Variants in USP28 observed in about 807,000 individuals in gnomAD.
The protein encoded by USP28 is ubiquitin carboxyl-terminal hydrolase 28.
In USP28, 113 loss-of-function variants were observed where a neutral mutation model predicts 145.0. That is an observed-to-expected ratio of 0.78 (90% CI 0.67 to 0.91). The LOEUF (loss-of-function observed/expected upper bound fraction) is 0.91, where lower values mean the gene tolerates loss of function less well. Ranked by LOEUF, USP28 falls within the 40% of genes least tolerant of loss-of-function variation. The pLI is 0.00. For synonymous variants in USP28, 447 were observed against 450.9 expected, an observed-to-expected ratio of 0.99 and a Z score of 0.11; for missense variants, 1,201 against 1,289.6, an observed-to-expected ratio of 0.93 and a Z score of 1.05.
chr11:113,816,254 C>G (rs752793476), intron 13 of USP28, among the ~76,000 whole-genome samples: 1 of 152,122 alleles, frequency 6.6e-6, no homozygotes, highest in Admixed American at 6.5e-5. Flanking sequence ...CGGTGGCTCA[C>G]GCCTGTAATC....
At chr11:113,845,104 T>G (rs1591382743) in intron 3 of USP28, among the ~76,000 whole-genome samples, 1 of 133,416 alleles carries the variant, frequency 7.5e-6, no homozygotes, top group African/African-American at 2.9e-5. Context: ...TGGGTAACAG[T>G]GAGACCCTTC....
At chr11:113,852,107 C>A (rs928670397) in intron 3 of USP28, among the ~76,000 whole-genome samples, 4 of 152,200 alleles carry the variant, frequency 2.6e-5, no homozygotes, top group Non-Finnish European at 5.9e-5. Context: ...CAGTTCACTG[C>A]AAGCTCTGCC....
At chr11:113,810,532 C>T (rs1467143322) in intron 16 of USP28, among the ~76,000 whole-genome samples, 1 of 152,230 alleles carries the variant, frequency 6.6e-6, no homozygotes, top group Non-Finnish European at 1.5e-5. Context: ...ACAGCTAGTA[C>T]ATTCAAGCAG....
At chr11:113,844,079 C>T (rs1565448926) in intron 3 of USP28, among the ~76,000 whole-genome samples, 1 of 151,944 alleles carries the variant, frequency 6.6e-6, no homozygotes, top group Admixed American at 6.6e-5. Flanking sequence ...TAGATGACAT[C>T]CAGAGCATAA....
exon 25 of USP28, chr11:113,798,066 G>GGT (rs1157362410): frequency 2.2e-5 from 2 of 91,236 alleles, no homozygotes; most frequent in Non-Finnish European, 3.9e-5. Flanking sequence ...ATGTATGCTG[G>GGT]TTTTTTTTTT....
intron 3 of USP28, among the ~76,000 whole-genome samples, chr11:113,842,338 C>G (rs1372774004): frequency 6.6e-6 from 1 of 151,984 alleles, no homozygotes; most frequent in African/African-American, 2.4e-5. Flanking sequence ...GTAATCCCAG[C>G]ACTTTGGGAG....
Position 113,822,495 on chromosome 11 carries a change from AGAGAG to A in USP28, c.1283+1105_1283+1109del, listed in dbSNP as rs1565382335. On this transcript the variant is annotated intron_variant, in intron 12 of 24. Coordinates refer to ENST00000003302, the Ensembl canonical transcript of USP28. Reference sequence around the variant, plus strand: ...GAGAGAGAGAGAGAGAGAGAGAGAGAGAGAGATGGGGTCTCACTAAGTTGCACAGG... The same window carrying A: ...GAGAGAGAGAGAGAGAGAGAGAGAGAATGGGGTCTCACTAAGTTGCACAGG... The A allele has an allele frequency of 1.3e-3, 158 of 120,570 alleles. 1 individual carries two copies. The highest frequency in any genetic ancestry group is 4.3e-3 in the African/African-American group (155 of 35,828). 7.5% of individuals were successfully genotyped at this position (120,570 alleles called of 1,614,324 possible).
chr11:113,867,349 C>T (rs972022350), intron 1 of USP28, among the ~76,000 whole-genome samples: 3 of 151,968 alleles, frequency 2.0e-5, no homozygotes, highest in Middle Eastern at 3.2e-3. Flanking sequence ...TCACTGCAAC[C>T]GCTGCCTCCC....
rs1185861829 is a variant in USP28, at chr11:113,799,115, T to C, written c.*125A>G. The C allele has an allele frequency of 4.7e-6, 5 of 1,055,964 alleles. No homozygotes were observed. In the Admixed American group the frequency reaches 1.0e-4, roughly 21 times the overall value. The allele number at this position is 1,055,964 out of a possible 1,614,324, so 65.4% of individuals were successfully genotyped here. ...ATCCTTCTTTACACATGCAGCATGG[T>C]TGGGGTCTGATCGGAATCTTATGTG... On this transcript the variant is annotated 3_prime_UTR_variant, in exon 25 of 25. Coordinates refer to ENST00000003302, the Ensembl canonical transcript of USP28.
intron 1 of USP28, among the ~76,000 whole-genome samples, chr11:113,872,684 AAAG>A (rs1948947172): frequency 6.6e-6 from 1 of 152,202 alleles, no homozygotes; most frequent in Admixed American, 6.5e-5. Context: ...CAGCTGACAT[AAAG>A]AATGTGTGAT....
intron 16 of USP28, among the ~76,000 whole-genome samples, chr11:113,811,927 G>C (rs1006671437): frequency 1.3e-5 from 2 of 151,918 alleles, no homozygotes; most frequent in Admixed American, 6.6e-5. Flanking sequence ...CTAAATACTC[G>C]ATTAATGAAA....
At chr11:113,833,988 A>T (rs1224414153) in intron 6 of USP28, among the ~76,000 whole-genome samples, 1 of 152,220 alleles carries the variant, frequency 6.6e-6, no homozygotes, top group East Asian at 1.9e-4. Context: ...GAAAGGATAC[A>T]ACAAACACAA....
At chr11:113,873,800 C>T (rs567302731) in intron 1 of USP28, among the ~76,000 whole-genome samples, 2 of 152,246 alleles carry the variant, frequency 1.3e-5, no homozygotes, top group East Asian at 1.9e-4. Context: ...ATGATACTTT[C>T]GTTTCGGAGC....
chr11:113,875,466 G>A lies in USP28; in HGVS notation c.36C>T (p.Gly12=), dbSNP rs1418454781. The A allele has an allele frequency of 3.2e-6, 4 of 1,236,448 alleles. No homozygotes were observed. The African/African-American group carries it at 4.8e-5, about 15-fold the overall frequency. 76.6% of individuals were successfully genotyped at this position (1,236,448 alleles called of 1,614,324 possible). A position where few individuals can be genotyped will look rare whatever the true frequency, so the allele number is the denominator to read the frequency against. Residue 12 remains glycine, a synonymous_variant, in exon 1 of 25, where the codon GGC becomes GGT. Coordinates refer to ENST00000003302, the Ensembl canonical transcript of USP28. ...CCACCGAGCCGTGGCCGTCTGCCGC[G>A]CCGGCCGCGTCGTCCTGCTGCAGCT...
In USP28 at chr11:113,799,374, G is replaced by T; in HGVS notation, c.3100C>A (p.Leu1034Ile). ...ACGATGATTTCTGCAGAAGGATCTA[G>T]AAGTCTGGGTAGAAACTCCCCTAGG... is the stretch of plus-strand genomic sequence containing the variant. Residue 1034 changes from leucine (L) to isoleucine (I), a missense_variant, in exon 25 of 25, where the codon CTA becomes ATA. Transcript: ENST00000003302. The T allele has an allele frequency of 6.2e-7, 1 of 1,614,232 alleles. No individual in the cohort carries two copies. The highest frequency in any genetic ancestry group is 8.5e-7 in the Non-Finnish European group (1 of 1,180,040).
intron 5 of USP28, among the ~76,000 whole-genome samples, chr11:113,838,260 T>C (rs975697443): frequency 4.6e-5 from 7 of 152,216 alleles, no homozygotes; most frequent in African/African-American, 1.7e-4. Context: ...TCTCTCTCTC[T>C]ATCCTTTCAG....
chr11:113,803,675 G>A (rs1939444353), intron 22 of USP28, 123 bp downstream of exon 23: 2 of 726,070 alleles, frequency 2.8e-6, no homozygotes, highest in East Asian at 2.6e-5. Context: ...CAAGAGAAGA[G>A]GCACACTAGT....
intron 1 of USP28, among the ~76,000 whole-genome samples, chr11:113,868,485 A>G (rs1948509921): frequency 6.6e-6 from 1 of 152,228 alleles, no homozygotes; most frequent in Non-Finnish European, 1.5e-5. Context: ...GGCTTGTACT[A>G]AAGTCGGAGA....
intron 1 of USP28, among the ~76,000 whole-genome samples, chr11:113,865,316 G>T (rs1230155514): frequency 6.6e-6 from 1 of 152,176 alleles, no homozygotes; most frequent in Non-Finnish European, 1.5e-5. Context: ...CAATGCTTTG[G>T]CCTTTCTTGC....
Sources: allele counts gnomAD v4.1 joint callset (sites outside exome capture counted in the v4.1 genomes callset), GRCh38; gene constraint gnomAD v4.1.1; transcripts MANE v1.5; gene names NCBI Gene and HGNC (gene_info 2026-07-23, HGNC 2026-07-21).